Variants in SLC24A2 observed in about 807,000 individuals in gnomAD.
SLC24A2 encodes solute carrier family 24 member 2.
SLC24A2 carries 36 observed loss-of-function variants against 62.0 expected under a neutral mutation model. The observed-to-expected ratio is 0.58, with a 90% CI of 0.44 to 0.77. The LOEUF (loss-of-function observed/expected upper bound fraction) is 0.77. Among genes scored for constraint, SLC24A2 ranks in the 30% least tolerant of loss-of-function variants. The pLI is 0.00. For missense variants in SLC24A2, 846 were observed against 817.9 expected (o/e 1.03, Z -0.42); for synonymous variants, 358 against 294.0 (o/e 1.22, Z -2.23).
At chr9:19,607,529 G>A (rs1837021689) in intron 4 of SLC24A2, among the ~76,000 whole-genome samples, 1 of 152,042 alleles carries the variant, frequency 6.6e-6, no homozygotes, top group African/African-American at 2.4e-5. Flanking sequence ...AGACCAGCCT[G>A]GCCAACATGG....
At chr9:20,074,593 G>GT in the SLC24A2 span, among the ~76,000 whole-genome samples, 1 of 96,990 alleles carries the variant, frequency 1.0e-5, no homozygotes, top group African/African-American at 3.8e-5. Flanking sequence ...AAGGAAGGAA[G>GT]GAAGGAAGGA....
chr9:19,754,828 A>G (rs982803108), intron 2 of SLC24A2, among the ~76,000 whole-genome samples: 3 of 152,112 alleles, frequency 2.0e-5, no homozygotes, highest in African/African-American at 7.2e-5. Context: ...CTCGACAGGC[A>G]GAAGCAGCTC....
chr9:19,885,337 G>T, the SLC24A2 span, among the ~76,000 whole-genome samples: 61,872 of 151,484 alleles, frequency 0.41, 13,158 homozygotes, highest in East Asian at 0.83. Flanking sequence ...AAGAAGGTAG[G>T]CAGGGGCCTG....
chr9:19,878,066 C>G, the SLC24A2 span, among the ~76,000 whole-genome samples: 36 of 152,308 alleles, frequency 2.4e-4, no homozygotes, highest in African/African-American at 8.4e-4. Context: ...TGTGCAGAGG[C>G]ATTTTGGGCT....
intron 2 of SLC24A2, among the ~76,000 whole-genome samples, chr9:19,651,600 A>G (rs1171729541): frequency 1.3e-5 from 2 of 152,210 alleles, no homozygotes; most frequent in East Asian, 3.8e-4. Flanking sequence ...TTTTCTCCCT[A>G]TAGTGTTAGT....
chr9:19,916,981 GTTTTTTT>G, the SLC24A2 span, among the ~76,000 whole-genome samples: 33 of 72,020 alleles, frequency 4.6e-4, no homozygotes, highest in East Asian at 6.2e-3. Flanking sequence ...TAACTTACCT[GTTTTTTT>G]TTTTTTTTTT....
At chr9:19,767,470 A>AGACCATG (rs1225866316) in intron 2 of SLC24A2, among the ~76,000 whole-genome samples, 1 of 152,200 alleles carries the variant, frequency 6.6e-6, no homozygotes, top group African/African-American at 2.4e-5. Flanking sequence ...CGGGTTGTGA[A>AGACCATG]GACCATGGGA....
intron 2 of SLC24A2, among the ~76,000 whole-genome samples, chr9:19,681,895 T>C (rs1341213416): frequency 6.6e-6 from 1 of 152,174 alleles, no homozygotes; most frequent in African/African-American, 2.4e-5. Flanking sequence ...AGAAGCAGTA[T>C]ATTATGTTCG....
chr9:19,654,312 C>T (rs1463927375), intron 2 of SLC24A2, among the ~76,000 whole-genome samples: 1 of 152,162 alleles, frequency 6.6e-6, no homozygotes, highest in Non-Finnish European at 1.5e-5. Context: ...TCAGTGTGAT[C>T]CTGATATTTG....
chr9:19,958,007 T>C, the SLC24A2 span: 2 of 152,694 alleles, frequency 1.3e-5, no homozygotes, highest in Non-Finnish European at 2.9e-5. Flanking sequence ...CACCAGGATC[T>C]TGTCCATACT....
chr9:19,576,834 C>G lies in SLC24A2; in HGVS notation c.1228+90G>C, dbSNP rs1418756301. On this transcript the variant is annotated intron_variant, in intron 6 of 10. Coordinates refer to ENST00000341998, the MANE Select transcript of SLC24A2 (RefSeq NM_020344.4). ...TGCTGCAGCGGTGTGTGTGTCTGCACTGAGTCAGGGGTGCCCACACTGGTC... is the reference window on the plus strand; with the variant it reads ...TGCTGCAGCGGTGTGTGTGTCTGCAGTGAGTCAGGGGTGCCCACACTGGTC... 6.5e-6 allele frequency: 6 copies of G among 924,904 alleles called. No individual in the cohort carries two copies. The East Asian group carries it at 1.4e-4, about 22-fold the overall frequency. 57.3% of individuals were successfully genotyped at this position (924,904 alleles called of 1,614,324 possible). A position where few individuals can be genotyped will look rare whatever the true frequency, so the allele number is the denominator to read the frequency against.
the SLC24A2 span, among the ~76,000 whole-genome samples, chr9:20,140,262 G>C: frequency 1.3e-5 from 2 of 152,164 alleles, no homozygotes; most frequent in Admixed American, 1.3e-4. Context: ...TTGTGGGGGA[G>C]GGAGGCAGAT....
At chr9:20,252,576 A>G in the SLC24A2 span, among the ~76,000 whole-genome samples, 1 of 152,210 alleles carries the variant, frequency 6.6e-6, no homozygotes, top group Non-Finnish European at 1.5e-5. Flanking sequence ...TTGATTCCCA[A>G]AACAACATTA....
At chr9:19,657,185 A>T (rs1818965985) in intron 2 of SLC24A2, among the ~76,000 whole-genome samples, 1 of 152,182 alleles carries the variant, frequency 6.6e-6, no homozygotes, top group African/African-American at 2.4e-5. Flanking sequence ...TATGACCTGG[A>T]GAGTGGTGCA....
chr9:20,124,256 G>A, the SLC24A2 span, among the ~76,000 whole-genome samples: 1 of 151,664 alleles, frequency 6.6e-6, no homozygotes, highest in Non-Finnish European at 1.5e-5. Context: ...ATTATAGTAG[G>A]AAAGGGAGAA....
the SLC24A2 span, among the ~76,000 whole-genome samples, chr9:20,262,554 AG>A: frequency 6.6e-6 from 1 of 152,224 alleles, no homozygotes; most frequent in Non-Finnish European, 1.5e-5. Context: ...CTGCGTTAAA[AG>A]CCCATTTACC....
At chr9:19,639,937 T>C (rs1818450762) in intron 2 of SLC24A2, among the ~76,000 whole-genome samples, 1 of 152,274 alleles carries the variant, frequency 6.6e-6, no homozygotes, top group Non-Finnish European at 1.5e-5. Context: ...ATATTTATTC[T>C]GTTAATCAAG....
the SLC24A2 span, among the ~76,000 whole-genome samples, chr9:20,107,900 G>A: frequency 6.6e-6 from 1 of 152,104 alleles, no homozygotes; most frequent in Non-Finnish European, 1.5e-5. Context: ...CCATCAGAGT[G>A]AACAGGCAAC....
intron 4 of SLC24A2, among the ~76,000 whole-genome samples, chr9:19,604,632 T>C (rs963261174): frequency 6.7e-6 from 1 of 150,306 alleles, no homozygotes; most frequent in East Asian, 2.0e-4. Context: ...ACCAGTAAAA[T>C]GAAAAACAAA....
Sources: allele counts gnomAD v4.1 joint callset (sites outside exome capture counted in the v4.1 genomes callset), GRCh38; gene constraint gnomAD v4.1.1; transcripts MANE v1.5; gene names NCBI Gene and HGNC (gene_info 2026-07-23, HGNC 2026-07-21).